The following SERPINE2 variants were observed in gnomAD, a reference collection of about 807,000 sequenced individuals.
SERPINE2 encodes glia-derived nexin.
Under a neutral mutation model 36.3 loss-of-function variants are expected in SERPINE2, and 14 were observed. The ratio of observed to expected loss-of-function variants is 0.39; its 90% CI spans 0.25 to 0.60. The LOEUF is 0.60. Among genes scored for constraint, SERPINE2 ranks in the 20% least tolerant of loss-of-function variants. SERPINE2 has a pLI of 0.57. For missense variants in SERPINE2, 418 were observed against 499.6 expected, an observed-to-expected ratio of 0.84 and a Z score of 1.56; for synonymous variants, 192 against 191.8, an observed-to-expected ratio of 1.00 and a Z score of -0.01.
intron 1 of SERPINE2, among the ~76,000 whole-genome samples, chr2:224,015,331 G>A (rs1204785765): frequency 6.6e-6 from 1 of 152,178 alleles, no homozygotes. Flanking sequence ...CCTGGGCCAG[G>A]GTGAGAGGCA....
In SERPINE2 at chr2:223,991,952, G is replaced by C; in HGVS notation, c.536C>G (p.Thr179Ser). 1.9e-6 allele frequency: 3 copies of C among 1,613,924 alleles called. No individual in the cohort carries two copies. Among genetic ancestry groups the C allele is most frequent in the Non-Finnish European group, 2.5e-6 (3 of 1,179,918 alleles). Residue 179 changes from threonine (T) to serine (S), a missense_variant, in exon 4 of 9, where the codon ACC (threonine) becomes AGC (serine). Transcript: ENST00000409304. ...CACTGCGTTGACGAGGACCAGTCTG[G>C]TGAGCACACCATCAATAAGATCTGG... Reference protein sequence around the residue: ...LSPDLIDGVLTRLVLVNAVYF... With the variant: ...LSPDLIDGVLSRLVLVNAVYF...
rs75495779 is a variant in SERPINE2, at chr2:223,991,785, C to T, written c.685+18G>A. On this transcript the variant is annotated intron_variant, in intron 4 of 8. Transcript: ENST00000409304. ...CGCCAGCACATCCTAGAACAGGCTT[C>T]GCTGAGCATGAACTCACCACACCGG... 0.02 allele frequency: 32,666 copies of T among 1,612,438 alleles called. 401 individuals carry two copies. Among genetic ancestry groups the T allele is most frequent in the Middle Eastern group, 0.03 (160 of 5,274 alleles).
chr2:224,031,598 C>T lies in SERPINE2; in HGVS notation c.-23+7501G>A, dbSNP rs946336194. The T allele has an allele frequency of 1.4e-5, 9 of 653,018 alleles. No individual in the cohort carries two copies. The Admixed American group carries it at 2.5e-4, about 18-fold the overall frequency. The allele number at this position is 653,018 out of a possible 1,614,324, so 40.5% of individuals were successfully genotyped here. A position where few individuals can be genotyped will look rare whatever the true frequency, so the allele number is the denominator to read the frequency against. On this transcript the variant is annotated intron_variant, in intron 1 of 8. Transcript: ENST00000409304. ...ATCAGCCAATCACAGGACCTCACTC[C>T]TCTGCCCACAGCCATTGGTATCGGG...
chr2:224,031,399 G>A, intron 1 of SERPINE2: 1 of 985,594 alleles, frequency 1.0e-6, no homozygotes, highest in Non-Finnish European at 1.2e-6. Context: ...ATTCCGTTGG[G>A]GGGAAAACAG....
Position 223,984,845 on chromosome 2 carries a change from G to C in SERPINE2, c.791C>G (p.Pro264Arg). 1 of 1,614,106 alleles carries C rather than the reference G, an allele frequency of 6.2e-7. No individual in the cohort carries two copies. The change falls in exon 5 of 9, where the codon CCG (proline) becomes CGG (arginine). Residue 264 changes from proline to arginine, a missense_variant. Transcript: ENST00000409304. ...LIALPTESSTPLSAIIPHIST... is the reference protein window; with the variant it reads ...LIALPTESSTRLSAIIPHIST... Reference sequence around the variant, plus strand: ...GATGTGTGGGATGATGGCAGACAGCGGAGTGGAGCTCTCAGTCGGCAGTGC... The same window carrying C: ...GATGTGTGGGATGATGGCAGACAGCCGAGTGGAGCTCTCAGTCGGCAGTGC...
At chr2:224,019,769 A>ATTTT (rs1559216905) in intron 1 of SERPINE2, among the ~76,000 whole-genome samples, 376 of 8,102 alleles carry the variant, frequency 0.046, 2 homozygotes, top group Admixed American at 0.066. Flanking sequence ...TTTTTTTAAA[A>ATTTT]AAAAAAAAAG....
rs11418943 is a variant in SERPINE2 at position 224,002,658 on chromosome 2, A to ATTT, written c.-22-739_-22-737dup. Among the ~76,000 whole-genome samples, 510 of 116,470 alleles carry ATTT rather than the reference A, an allele frequency of 4.4e-3. 17 individuals are homozygous for ATTT. Among genetic ancestry groups the ATTT allele is most frequent in the Non-Finnish European group, 6.1e-3 (359 of 58,764 alleles). 76.4% of individuals were successfully genotyped at this position (116,470 alleles called of 152,430 possible). A position where few individuals can be genotyped will look rare whatever the true frequency, so the allele number is the denominator to read the frequency against. On this transcript the variant is annotated intron_variant, in intron 1 of 8. Coordinates refer to ENST00000409304, the MANE Select transcript of SERPINE2 (RefSeq NM_001136528.2). ...CAAGTGTGCGCCAACTCGTCTGGCA[A>ATTT]TTTTTTTTTTTTTTTTTTTTTTAGT...
At position 224,031,759 on chromosome 2, in the gene SERPINE2, A is replaced by ACC. The variant is rs5839038; in HGVS notation, c.-23+7338_-23+7339dup. Among the ~76,000 whole-genome samples the ACC allele has an allele frequency of 1.5e-3, 138 of 93,776 alleles. 1 individual carries two copies. The highest frequency in any genetic ancestry group is 4.1e-3 in the African/African-American group (112 of 27,126). 61.5% of individuals were successfully genotyped at this position (93,776 alleles called of 152,430 possible). A position where few individuals can be genotyped will look rare whatever the true frequency, so the allele number is the denominator to read the frequency against. On this transcript the variant is annotated intron_variant, in intron 1 of 8. Transcript: ENST00000409304. ...TTCCTCCCTAGGATTTCCACCCCCC[A>ACC]CCCCCCCCGCCGGCTGGAACTGGCT... is the stretch of plus-strand genomic sequence containing the variant.
intron 3 of SERPINE2, among the ~76,000 whole-genome samples, chr2:223,993,597 G>A (rs939388017): frequency 1.3e-5 from 2 of 151,628 alleles, no homozygotes; most frequent in African/African-American, 4.8e-5. Flanking sequence ...ATAAATACAA[G>A]TTATACTACT....
At chr2:224,034,041 T>C (rs1035154500) in intron 1 of SERPINE2, among the ~76,000 whole-genome samples, 2 of 152,240 alleles carry the variant, frequency 1.3e-5, no homozygotes, top group African/African-American at 4.8e-5. Context: ...CCATAAAGCA[T>C]GCAGTAAACT....
chr2:223,998,229 G>A lies in SERPINE2; in HGVS notation c.373C>T (p.Pro125Ser). 1 of 1,614,080 alleles carries A rather than the reference G, an allele frequency of 6.2e-7. No homozygotes were observed. Among genetic ancestry groups the A allele is most frequent in the Non-Finnish European group, 8.5e-7 (1 of 1,179,954 alleles). The change falls in exon 3 of 9, where the codon CCT becomes TCT. Residue 125 changes from proline to serine, a missense_variant. Physicochemically the swap from Pro to Ser is moderately conservative, Grantham distance 74 (BLOSUM62 -1). Coordinates refer to ENST00000409304, the MANE Select transcript of SERPINE2 (RefSeq NM_001136528.2). ...FVKNASEIEV[P>S]FVTRNKDVFQ... ...ACATCTTTGTTCCTTGTAACAAAAG[G>A]CACTTCAATTTCAGAGGCATTCTTA... is the stretch of plus-strand genomic sequence containing the variant.
chr2:223,980,500 T>C, intron 6 of SERPINE2, 103 bp from the exon 7 acceptor site: 1 of 946,118 alleles, frequency 1.1e-6, no homozygotes, highest in East Asian at 2.5e-5. Context: ...AAATTCCAAT[T>C]TTTAAAGTGT....
At chr2:223,976,706 C>CA (rs1271179205) in intron 8 of SERPINE2, among the ~76,000 whole-genome samples, 2 of 152,222 alleles carry the variant, frequency 1.3e-5, no homozygotes, top group Non-Finnish European at 2.9e-5. Context: ...AAGCAGTCAG[C>CA]ACTACTGTTG....
rs1311475082 is a variant in SERPINE2 at position 223,975,843 on chromosome 2, T to C, written c.*24A>G. On this transcript the variant is annotated 3_prime_UTR_variant, in exon 9 of 9. Transcript: ENST00000409304. ...CTTCGTAGCAAAGTAGTCGTTGCTT[T>C]GCATGGTTTCTTTTGTATACTCTTC... 1.9e-6 allele frequency: 3 copies of C among 1,556,620 alleles called. No individual in the cohort carries two copies. Among genetic ancestry groups the C allele is most frequent in the Non-Finnish European group, 2.6e-6 (3 of 1,144,028 alleles).
rs187997419 is a variant in SERPINE2, at chr2:224,022,757, T to C, written c.-23+16342A>G. ...CATGGTACTTACCAATTGATATGGC[T>C]TGGCTGTGTCCCCACCCAAAATCTC... is the stretch of plus-strand genomic sequence containing the variant. On this transcript the variant is annotated intron_variant, in intron 1 of 8. Transcript: ENST00000409304. 9.5e-4 allele frequency among the ~76,000 whole-genome samples: 144 copies of C among 152,348 alleles called. 3 individuals are homozygous for C. In the Middle Eastern group the frequency reaches 0.037, roughly 40 times the overall value.
At chr2:224,036,003 G>C (rs1353737637) in intron 1 of SERPINE2, among the ~76,000 whole-genome samples, 1 of 151,990 alleles carries the variant, frequency 6.6e-6, no homozygotes, top group Non-Finnish European at 1.5e-5. Context: ...AAAAAAAAAC[G>C]GACAAATCTT....
chr2:224,009,129 G>A (rs1049464666), intron 1 of SERPINE2, among the ~76,000 whole-genome samples: 2 of 152,098 alleles, frequency 1.3e-5, no homozygotes, highest in Non-Finnish European at 2.9e-5. Context: ...AGATGCCAGC[G>A]ACAAACAACC....
chr2:224,002,189 C>T (rs1043921369), intron 1 of SERPINE2, among the ~76,000 whole-genome samples: 4 of 152,044 alleles, frequency 2.6e-5, no homozygotes, highest in Non-Finnish European at 5.9e-5. Flanking sequence ...GTTGGCCAGG[C>T]TGGTCTCAAA....
intron 1 of SERPINE2, among the ~76,000 whole-genome samples, chr2:224,015,827 T>G (rs1330192869): frequency 6.6e-6 from 1 of 152,218 alleles, no homozygotes; most frequent in Non-Finnish European, 1.5e-5. Flanking sequence ...AGTTTTACTC[T>G]GCAAAAGATC....
Sources: gnomAD v4.1 joint callset for allele counts (sites outside exome capture counted in the v4.1 genomes callset) on GRCh38, gnomAD v4.1.1 for gene constraint, MANE v1.5 for transcripts, NCBI Gene and HGNC (gene_info 2026-07-23, HGNC 2026-07-21) for gene names.